The following PLCXD1 variants were observed in gnomAD, a reference collection of about 807,000 sequenced individuals.
PLCXD1 encodes the protein phosphatidylinositol specific phospholipase C X domain containing 1.
In PLCXD1, 45 loss-of-function variants were observed where a neutral mutation model predicts 37.8. The observed-to-expected ratio is 1.19, with a 90% CI of 0.94 to 1.53. The LOEUF (loss-of-function observed/expected upper bound fraction) is 1.53, where lower values mean the gene tolerates loss of function less well. Ranked by LOEUF, PLCXD1 falls within the 40% of genes most tolerant of loss-of-function variation. PLCXD1 has a pLI of 0.00. For synonymous variants in PLCXD1, 246 were observed against 206.9 expected, an observed-to-expected ratio of 1.19 and a Z score of -1.62; for missense variants, 539 against 454.7, an observed-to-expected ratio of 1.19 and a Z score of -1.69.
In PLCXD1 at chrX:287,273, T is replaced by C. The variant is rs1270078364; in HGVS notation, c.128-1460T>C. 2.0e-5 allele frequency among the ~76,000 whole-genome samples: 3 copies of C among 146,550 alleles called. No homozygotes were observed. In the East Asian group the frequency reaches 5.8e-4, roughly 29 times the overall value. On this transcript the variant is annotated intron_variant, in intron 2 of 6. Transcript: ENST00000381657. ...ATAAGTAAATGTAAAATATAAAATA[T>C]ATATCATATATTTATATAAATATAT... is the stretch of plus-strand genomic sequence containing the variant.
intron 3 of PLCXD1, among the ~76,000 whole-genome samples, chrX:290,112 C>T (rs1213477651): frequency 1.3e-5 from 2 of 152,078 alleles, no homozygotes; most frequent in African/African-American, 2.4e-5. Flanking sequence ...TGTACACCAC[C>T]ACACCCAGGC....
chrX:292,460 A>C (rs1386601137), intron 5 of PLCXD1, among the ~76,000 whole-genome samples: 1 of 151,908 alleles, frequency 6.6e-6, no homozygotes, highest in East Asian at 1.9e-4. Context: ...TCCGTCTCAA[A>C]AAATAAAAAA....
At chrX:292,039 C>T (rs7889587) in intron 5 of PLCXD1, among the ~76,000 whole-genome samples, 4,647 of 151,836 alleles carry the variant, frequency 0.031, 201 homozygotes, top group African/African-American at 0.11. Context: ...TGGTGGCTCA[C>T]GCTTGTCATC....
chrX:295,403 C>T lies in PLCXD1; in HGVS notation c.733+2185C>T, dbSNP rs762104312. On this transcript the variant is annotated intron_variant, in intron 6 of 6. Coordinates refer to ENST00000381657, the MANE Select transcript of PLCXD1 (RefSeq NM_018390.4). The stretch of plus-strand genomic sequence containing the variant: ...GGTTCTCTCAAGGTGATCTTCACGG[C>T]CGCGAGGGCTGCTTCCCACAGGGGC... Among the ~76,000 whole-genome samples the T allele has an allele frequency of 1.5e-4, 23 of 152,180 alleles. No homozygotes were observed. In the East Asian group the frequency reaches 4.3e-3, roughly 28 times the overall value.
At chrX:282,147 A>G (rs903657475) in intron 1 of PLCXD1, among the ~76,000 whole-genome samples, 4 of 152,172 alleles carry the variant, frequency 2.6e-5, no homozygotes, top group African/African-American at 9.7e-5. Context: ...CAAGATCAAC[A>G]ATTCTAATTG....
intron 5 of PLCXD1, 132 bp downstream of exon 5, chrX:291,786 T>C: frequency 2.0e-6 from 2 of 1,005,050 alleles, no homozygotes; most frequent in South Asian, 1.4e-5. Context: ...GAACGGGGGC[T>C]GCCTGCTCTC....
chrX:284,262 G>C lies in PLCXD1; in HGVS notation c.75G>C (p.Ser25=). ...GAAATGCCAACGAGGACTGGATGTC[G>C]GCACTGTGTCCCCGGCTCTGGGATG... The part of the protein sequence containing the change: ...HCRNANEDWM[S]ALCPRLWDVP... Residue 25 remains serine, a synonymous_variant, in exon 2 of 7, where the codon TCG becomes TCC. Coordinates refer to ENST00000381657, the MANE Select transcript of PLCXD1 (RefSeq NM_018390.4). 1 of 1,613,566 alleles carries C rather than the reference G, an allele frequency of 6.2e-7. No homozygotes were observed. The highest frequency in any genetic ancestry group is 8.5e-7 in the Non-Finnish European group (1 of 1,179,852).
At chrX:278,461 G>A (rs141517354), upstream of PLCXD1, among the ~76,000 whole-genome samples, 797 of 152,144 alleles carry the variant, frequency 5.2e-3, 5 homozygotes, top group African/African-American at 0.019. Context: ...TTTGCTGGCC[G>A]GGCACGGTGG....
upstream of PLCXD1, among the ~76,000 whole-genome samples, chrX:278,813 G>A (rs1299957826): frequency 6.6e-6 from 1 of 151,414 alleles, no homozygotes; most frequent in African/African-American, 2.4e-5. Flanking sequence ...AGGTCCTGAC[G>A]ACCTGTGCCC....
chrX:288,772 C>T lies in PLCXD1; in HGVS notation c.167C>T (p.Ser56Phe), dbSNP rs1375620454. 2 of 1,613,702 alleles carry T rather than the reference C, an allele frequency of 1.2e-6. No homozygotes were observed. Among genetic ancestry groups the T allele is most frequent in the South Asian group, 1.1e-5 (1 of 91,066 alleles). The change falls in exon 3 of 7, where the codon TCC (serine) becomes TTC (phenylalanine). Residue 56 changes from serine to phenylalanine, a missense_variant. By Grantham distance (155) the Ser-to-Phe change is radical (BLOSUM62 -2). Transcript: ENST00000381657. ...ATGACGTACTGCCTGAACAAGAAGT[C>T]CCCCATTTCGCACGAGGAGTCCCGG... ...DTMTYCLNKK[S>F]PISHEESRLL... is the part of the protein sequence containing the mutation.
chrX:285,486 G>A (rs919911311), intron 2 of PLCXD1, among the ~76,000 whole-genome samples: 5 of 152,012 alleles, frequency 3.3e-5, no homozygotes, highest in African/African-American at 9.7e-5. Flanking sequence ...ACCTATGCAC[G>A]CAGAGACACG....
intron 4 of PLCXD1, among the ~76,000 whole-genome samples, chrX:291,125 C>A (rs760169711): frequency 6.6e-6 from 1 of 151,566 alleles, no homozygotes; most frequent in Non-Finnish European, 1.5e-5. Context: ...CCCGCCAATC[C>A]GTTACGGAGA....
In PLCXD1 at chrX:290,632, C is replaced by G; in HGVS notation, c.265-16C>G. 1 of 1,613,306 alleles carries G rather than the reference C, an allele frequency of 6.2e-7. No homozygotes were observed. The highest frequency in any genetic ancestry group is 8.5e-7 in the Non-Finnish European group (1 of 1,179,584). ...GCGCTCAGCCAGGCAGACATGACAG[C>G]AGCCTCTGTCCACAGGCACTGGACG... is the stretch of plus-strand genomic sequence containing the variant. On this transcript the variant is annotated splice_polypyrimidine_tract_variant and intron_variant, in intron 3 of 6. Coordinates refer to ENST00000381657, the MANE Select transcript of PLCXD1 (RefSeq NM_018390.4).
intron 1 of PLCXD1, chrX:283,642 G>T (rs1239555767): frequency 7.3e-6 from 1 of 137,422 alleles, no homozygotes; most frequent in Non-Finnish European, 1.6e-5. Flanking sequence ...CCGGGTGGGG[G>T]CGGCCTTGGT....
intron 1 of PLCXD1, among the ~76,000 whole-genome samples, chrX:281,995 A>G (rs1316587339): frequency 6.6e-6 from 1 of 151,854 alleles, no homozygotes; most frequent in Non-Finnish European, 1.5e-5. Flanking sequence ...TGATCCACCC[A>G]CCTCAGCCTC....
chrX:293,841 G>C (rs1200302191), intron 6 of PLCXD1, among the ~76,000 whole-genome samples: 3 of 152,204 alleles, frequency 2.0e-5, no homozygotes, highest in Non-Finnish European at 4.4e-5. Flanking sequence ...GAGACAGAAA[G>C]AGGATTTGTG....
At chrX:295,260 G>A (rs1203337572) in intron 6 of PLCXD1, among the ~76,000 whole-genome samples, 6 of 152,052 alleles carry the variant, frequency 3.9e-5, no homozygotes, top group East Asian at 1.9e-4. Flanking sequence ...TGCAGACAGC[G>A]TCGGCAGCCA....
Position 301,390 on chromosome X carries a change from C to CACCTCA in PLCXD1, c.*2061_*2066dup, listed in dbSNP as rs2070011406. On this transcript the variant is annotated 3_prime_UTR_variant, in exon 7 of 7. Transcript: ENST00000381657. ...AACTCCTGGGCTCAACTGATCCTCC[C>CACCTCA]ACCTCAACCTCTGCCATAGCCAGGA... 2 of 152,086 alleles carry CACCTCA rather than the reference C, an allele frequency of 1.3e-5. No individual in the cohort carries two copies. Among genetic ancestry groups the CACCTCA allele is most frequent in the Non-Finnish European group, 2.9e-5 (2 of 68,114 alleles). The allele number at this position is 152,086 out of a possible 1,614,324, so 9.4% of individuals were successfully genotyped here. A position where few individuals can be genotyped will look rare whatever the true frequency, so the allele number is the denominator to read the frequency against.
At position 303,313 on chromosome X, in the gene PLCXD1, A is replaced by G. The variant is rs1203981678; in HGVS notation, c.*3978A>G. On this transcript the variant is annotated 3_prime_UTR_variant, in exon 7 of 7. Coordinates refer to ENST00000381657, the MANE Select transcript of PLCXD1 (RefSeq NM_018390.4). ...AGGGGCGTATCCACAAAATCACCGA[A>G]TTCATACAGATCGTTTAAATAAATG... 1 of 152,216 alleles carries G rather than the reference A, an allele frequency of 6.6e-6. No individual in the cohort carries two copies. Among genetic ancestry groups the G allele is most frequent in the Non-Finnish European group, 1.5e-5 (1 of 68,048 alleles). 9.4% of individuals were successfully genotyped at this position (152,216 alleles called of 1,614,324 possible). A position where few individuals can be genotyped will look rare whatever the true frequency, so the allele number is the denominator to read the frequency against.
Sources: gnomAD v4.1 joint callset for allele counts (sites outside exome capture counted in the v4.1 genomes callset) on GRCh38, gnomAD v4.1.1 for gene constraint, MANE v1.5 for transcripts, NCBI Gene and HGNC (gene_info 2026-07-23, HGNC 2026-07-21) for gene names.